Variants in P4HA1 observed in about 807,000 individuals in gnomAD.
The protein encoded by P4HA1 is prolyl 4-hydroxylase subunit alpha 1.
In P4HA1, 24 loss-of-function variants were observed where a neutral mutation model predicts 72.8. The observed-to-expected ratio is 0.33, with a 90% confidence interval of 0.24 to 0.46. P4HA1 has a LOEUF of 0.46. P4HA1 is among the 20% of genes least tolerant of loss of function. The pLI is 1.00. For synonymous variants in P4HA1, 201 were observed against 218.8 expected (o/e 0.92, Z 0.72); for missense variants, 446 against 640.6 (o/e 0.70, Z 3.28).
rs560970225 is a variant in P4HA1 at position 73,059,599 on chromosome 10, C to T, written c.464-6009G>A. 2.0e-3 allele frequency among the ~76,000 whole-genome samples: 305 copies of T among 150,864 alleles called. 2 individuals are homozygous for T. The highest frequency in any genetic ancestry group is 7.2e-3 in the African/African-American group (298 of 41,342). ...TCTACTAAAAATACAAAAAATTAGCCGGGCATGGTGGCGGGCGCCTATAGT... is the reference window on the plus strand; with the variant it reads ...TCTACTAAAAATACAAAAAATTAGCTGGGCATGGTGGCGGGCGCCTATAGT... On this transcript the variant is annotated intron_variant, in intron 5 of 14. Coordinates refer to ENST00000394890, the MANE Select transcript of P4HA1 (RefSeq NM_001017962.3).
chr10:73,013,953 T>C (rs1319774108), intron 12 of P4HA1, among the ~76,000 whole-genome samples: 1 of 152,210 alleles, frequency 6.6e-6, no homozygotes, highest in Admixed American at 6.5e-5. Flanking sequence ...TATATATTAC[T>C]AAACAGAGAG....
intron 5 of P4HA1, among the ~76,000 whole-genome samples, chr10:73,064,481 A>AAAAAT (rs58079579): frequency 0.16 from 24,118 of 150,672 alleles, 3,185 homozygotes; most frequent in African/African-American, 0.34. Context: ...CCTGTCTCAA[A>AAAAAT]AAAATAAAGA....
Position 73,009,642 on chromosome 10 carries a change from G to A in P4HA1, c.1534+165C>T, listed in dbSNP as rs1589568013. ...AAATAAAATCTGTCATCAAAATTCT[G>A]ATTTCAAATTTGTATTATGATTAGG... On this transcript the variant is annotated intron_variant, in intron 14 of 14. Coordinates refer to ENST00000394890, the MANE Select transcript of P4HA1 (RefSeq NM_001017962.3). 4 of 511,930 alleles carry A rather than the reference G, an allele frequency of 7.8e-6. No individual in the cohort carries two copies. In the South Asian group the frequency reaches 1.2e-4, roughly 16 times the overall value. The allele number at this position is 511,930 out of a possible 1,614,324, so 31.7% of individuals were successfully genotyped here.
intron 9 of P4HA1, among the ~76,000 whole-genome samples, chr10:73,037,171 C>T (rs942691371): frequency 2.0e-5 from 3 of 151,842 alleles, no homozygotes; most frequent in Non-Finnish European, 4.4e-5. Flanking sequence ...TTATATGTGT[C>T]CTTTTTTTTC....
chr10:73,089,186 A>T (rs1057070822), intron 1 of P4HA1, among the ~76,000 whole-genome samples: 6 of 152,196 alleles, frequency 3.9e-5, no homozygotes, highest in Non-Finnish European at 7.3e-5. Flanking sequence ...GTTAATACTT[A>T]AGTATTTCAT....
At chr10:73,028,111 T>C (rs1307294040) in intron 10 of P4HA1, among the ~76,000 whole-genome samples, 2 of 151,934 alleles carry the variant, frequency 1.3e-5, no homozygotes, top group African/African-American at 4.8e-5. Context: ...TCTGAGTGGG[T>C]TGCTGTTTTT....
intron 5 of P4HA1, among the ~76,000 whole-genome samples, chr10:73,064,781 C>T (rs1033524244): frequency 6.7e-6 from 1 of 148,436 alleles, no homozygotes; most frequent in African/African-American, 2.5e-5. Context: ...GCAGAGGTTG[C>T]AGTGAGCCGA....
intron 1 of P4HA1, among the ~76,000 whole-genome samples, chr10:73,081,753 G>T (rs1168067215): frequency 6.6e-6 from 1 of 152,114 alleles, no homozygotes; most frequent in African/African-American, 2.4e-5. Flanking sequence ...ACATACTTTG[G>T]GCCAGGCACA....
intron 2 of P4HA1, among the ~76,000 whole-genome samples, 200 bp downstream of exon 2, chr10:73,074,604 AAATT>A (rs1841651563): frequency 6.6e-6 from 1 of 152,206 alleles, no homozygotes; most frequent in East Asian, 1.9e-4. Flanking sequence ...TATATGCATT[AAATT>A]ATTTTAACTT....
At chr10:73,058,090 GAAAAAAAAAAAAAAA>G (rs869244017) in intron 5 of P4HA1, among the ~76,000 whole-genome samples, 5 of 23,072 alleles carry the variant, frequency 2.2e-4, no homozygotes, top group South Asian at 1.3e-3. Context: ...ACTCCGTCCA[GAAAAAAAAAAAAAAA>G]AAAAAAAAAA....
chr10:73,041,961 T>G (rs1164643255), intron 9 of P4HA1, among the ~76,000 whole-genome samples: 1 of 151,990 alleles, frequency 6.6e-6, no homozygotes, highest in Non-Finnish European at 1.5e-5. Flanking sequence ...TCCTCCCACC[T>G]CAGCCTCCCA....
intron 5 of P4HA1, among the ~76,000 whole-genome samples, chr10:73,059,424 T>TTAAAAAAA (rs1564631478): frequency 4.1e-5 from 1 of 24,152 alleles, no homozygotes; most frequent in African/African-American, 1.1e-4. Context: ...ACAATATATT[T>TTAAAAAAA]AAAAAAAAAA....
At chr10:73,063,691 A>C (rs1371407075) in intron 5 of P4HA1, among the ~76,000 whole-genome samples, 2 of 152,210 alleles carry the variant, frequency 1.3e-5, no homozygotes, top group Non-Finnish European at 2.9e-5. Context: ...CGCAGATAGC[A>C]CCAATAATTT....
intron 12 of P4HA1, among the ~76,000 whole-genome samples, chr10:73,013,319 G>C (rs1352613512): frequency 6.6e-6 from 1 of 152,200 alleles, no homozygotes; most frequent in Non-Finnish European, 1.5e-5. Flanking sequence ...TCTGAGGGTA[G>C]GTCATAACAA....
At chr10:73,010,265 G>A (rs534965123) in intron 13 of P4HA1, among the ~76,000 whole-genome samples, 55 of 152,188 alleles carry the variant, frequency 3.6e-4, no homozygotes, top group Admixed American at 1.6e-3. Context: ...ACCGTGCCCG[G>A]CCGTTTTCAG....
chr10:73,044,099 A>C (rs1840799578), intron 9 of P4HA1: 1 of 500,180 alleles, frequency 2.0e-6, no homozygotes, highest in African/African-American at 1.9e-5. Flanking sequence ...GAATCCACAA[A>C]AACATTTAGA....
intron 5 of P4HA1, among the ~76,000 whole-genome samples, chr10:73,056,989 G>A (rs1841165712): frequency 6.7e-6 from 1 of 149,530 alleles, no homozygotes; most frequent in Non-Finnish European, 1.5e-5. Flanking sequence ...GAACCCAGGA[G>A]ACAGAGCTTG....
intron 1 of P4HA1, among the ~76,000 whole-genome samples, chr10:73,093,849 A>AATAAAAAAAAAAAT (rs1422327471): frequency 4.4e-5 from 2 of 45,014 alleles, no homozygotes; most frequent in African/African-American, 2.6e-4. Flanking sequence ...TCTCAAAAAA[A>AATAAAAAAAAAAAT]AAAAAAAAAA....
chr10:73,034,538 T>C (rs1840518843), intron 9 of P4HA1, among the ~76,000 whole-genome samples: 1 of 151,994 alleles, frequency 6.6e-6, no homozygotes, highest in Admixed American at 6.6e-5. Context: ...AGAAGAATCA[T>C]ATAATATTTG....
Sources: gnomAD v4.1 joint callset for allele counts (sites outside exome capture counted in the v4.1 genomes callset) on GRCh38, gnomAD v4.1.1 for gene constraint, MANE v1.5 for transcripts, NCBI Gene and HGNC (gene_info 2026-07-23, HGNC 2026-07-21) for gene names.